LTBP2: variants seen among roughly 807,000 people sequenced by gnomAD.
LTBP2 encodes latent-transforming growth factor beta-binding protein 2.
LTBP2 carries 103 observed loss-of-function variants against 210.6 expected under a neutral mutation model. The observed-to-expected ratio is 0.49, with a 90% CI of 0.42 to 0.58. LTBP2 has a LOEUF of 0.58. Ranked by LOEUF, LTBP2 falls within the 20% of genes least tolerant of loss-of-function variation. The probability of loss-of-function intolerance (pLI) is 0.00; values close to 1 mark genes in which losing one functional copy is unlikely to be tolerated. For missense variants in LTBP2, 2,313 were observed against 2,494.5 expected (o/e 0.93, Z 1.55); for synonymous variants, 1,007 against 1,015.0 (o/e 0.99, Z 0.15).
chr14:74,537,404 C>A (rs565584259), intron 8 of LTBP2, among the ~76,000 whole-genome samples: 1 of 152,218 alleles, frequency 6.6e-6, no homozygotes, highest in East Asian at 1.9e-4. Flanking sequence ...TAAGCAGGCA[C>A]GAGCAATTGC....
chr14:74,522,828 G>A lies in LTBP2; in HGVS notation c.2621C>T (p.Pro874Leu). 1 of 1,612,140 alleles carries A rather than the reference G, an allele frequency of 6.2e-7. No homozygotes were observed. Among genetic ancestry groups the A allele is most frequent in the African/African-American group, 1.3e-5 (1 of 75,028 alleles). Reference protein sequence around the residue: ...LPDGYRCVCSPGYQLHPSQAY... With the variant: ...LPDGYRCVCSLGYQLHPSQAY... ...CTGGCTGGGGTGCAGCTGGTAGCCA[G>A]GGCTGCAGACACATCTGTATCCATC... The change falls in exon 16 of 36, where the codon CCT becomes CTT. Residue 874 changes from proline to leucine, a missense_variant. Transcript: ENST00000261978.
chr14:74,532,996 C>T (rs1471475640), intron 9 of LTBP2, among the ~76,000 whole-genome samples: 1 of 152,166 alleles, frequency 6.6e-6, no homozygotes, highest in Non-Finnish European at 1.5e-5. Context: ...CATACCACCA[C>T]ATCCAGCTAA....
intron 3 of LTBP2, among the ~76,000 whole-genome samples, chr14:74,566,450 C>G (rs1215369003): frequency 6.6e-6 from 1 of 152,238 alleles, no homozygotes; most frequent in Non-Finnish European, 1.5e-5. Context: ...GGGCAGCTCA[C>G]TTCAGCTTAA....
rs529244433 is a variant in LTBP2, at chr14:74,536,545, C to G, written c.1790-545G>C. Among the ~76,000 whole-genome samples, 24 of 152,252 alleles carry G rather than the reference C, an allele frequency of 1.6e-4. 2 individuals are homozygous for G. The East Asian group carries it at 3.9e-3, about 24-fold the overall frequency. The stretch of plus-strand genomic sequence containing the variant: ...GCCACTTTACAATGTATACTTATTT[C>G]AGAACAACAGTTGTGTACCAGCCAG... On this transcript the variant is annotated intron_variant, in intron 8 of 35. Coordinates refer to ENST00000261978, the MANE Select transcript of LTBP2 (RefSeq NM_000428.3).
At chr14:74,513,441 T>G (rs981541030) in intron 18 of LTBP2, among the ~76,000 whole-genome samples, 1 of 152,168 alleles carries the variant, frequency 6.6e-6, no homozygotes, top group Non-Finnish European at 1.5e-5. Flanking sequence ...AGCCTACATC[T>G]CCAATGAGGA....
chr14:74,596,736 G>T (rs963651743), intron 2 of LTBP2, among the ~76,000 whole-genome samples: 3 of 152,234 alleles, frequency 2.0e-5, no homozygotes, highest in African/African-American at 7.2e-5. Context: ...CAAAGCCTGA[G>T]TGAGAGGAAG....
At position 74,585,946 on chromosome 14, in the gene LTBP2, C is replaced by T. The variant is rs537556239; in HGVS notation, c.738G>A (p.Leu246=). The change falls in exon 3 of 36, where the codon CTG becomes CTA. Residue 246 remains leucine (L), a synonymous_variant. Transcript: ENST00000261978. ...CCTCTCCAGCCGCACTGCTCCTGCGCAGGTTGGGTGAACGCTCGGCCCAGC... is the reference window on the plus strand; with the variant it reads ...CCTCTCCAGCCGCACTGCTCCTGCGTAGGTTGGGTGAACGCTCGGCCCAGC... ...PRRWAERSPN[L]RRSSAAGEGT... The T allele has an allele frequency of 6.2e-7, 1 of 1,613,874 alleles. No individual in the cohort carries two copies. Among genetic ancestry groups the T allele is most frequent in the East Asian group, 2.2e-5 (1 of 44,876 alleles).
intron 9 of LTBP2, among the ~76,000 whole-genome samples, chr14:74,532,806 A>C (rs1031855641): frequency 6.6e-6 from 1 of 152,158 alleles, no homozygotes; most frequent in African/African-American, 2.4e-5. Context: ...GGCATGTAAC[A>C]ATGATCATAA....
Position 74,528,950 on chromosome 14 carries a change from G to A in LTBP2, c.2152+8C>T, listed in dbSNP as rs941075799. 9 of 1,610,602 alleles carry A rather than the reference G, an allele frequency of 5.6e-6. No individual in the cohort carries two copies. The African/African-American group carries it at 1.2e-4, about 22-fold the overall frequency. On this transcript the variant is annotated splice_region_variant and intron_variant, in intron 11 of 35. Transcript: ENST00000261978. ...GCAGTGAAAGCTGGGATGGGAACAG[G>A]AGGTTACCTGTGCCAGGCAGAGGGC...
At chr14:74,509,088 G>T in intron 22 of LTBP2, 136 bp from the exon 23 acceptor site, 1 of 1,565,314 alleles carries the variant, frequency 6.4e-7, no homozygotes. Flanking sequence ...TCATGAGGCA[G>T]CACAGCTGGG....
At chr14:74,607,839 T>G (rs1193969075) in intron 1 of LTBP2, among the ~76,000 whole-genome samples, 1 of 152,092 alleles carries the variant, frequency 6.6e-6, no homozygotes, top group Non-Finnish European at 1.5e-5. Context: ...GGAGGCAAAT[T>G]TATAGAGGAA....
intron 10 of LTBP2, among the ~76,000 whole-genome samples, chr14:74,531,990 G>C (rs147666390): frequency 1.3e-5 from 2 of 152,154 alleles, no homozygotes; most frequent in Non-Finnish European, 2.9e-5. Flanking sequence ...AAAGGCCCTC[G>C]GGTCGGGCAG....
At chr14:74,606,949 A>G (rs2088535833) in intron 1 of LTBP2, among the ~76,000 whole-genome samples, 1 of 151,832 alleles carries the variant, frequency 6.6e-6, no homozygotes, top group African/African-American at 2.4e-5. Context: ...TGCCTGTCTC[A>G]GGTCATTGGT....
chr14:74,578,323 C>T (rs763661325), intron 3 of LTBP2, among the ~76,000 whole-genome samples: 1 of 152,194 alleles, frequency 6.6e-6, no homozygotes, highest in Non-Finnish European at 1.5e-5. Flanking sequence ...CCCCGCGAAT[C>T]GTGCTACATT....
intron 29 of LTBP2, 45 bp from the exon 30 acceptor site, chr14:74,504,906 C>G (rs1339346954): frequency 6.2e-7 from 1 of 1,613,180 alleles, no homozygotes; most frequent in Non-Finnish European, 8.5e-7. Flanking sequence ...GGGCCCTGCC[C>G]CCTTCCTCTC....
chr14:74,530,627 C>A lies in LTBP2; in HGVS notation c.1988-1505G>T, dbSNP rs577589122. Among the ~76,000 whole-genome samples the A allele has an allele frequency of 3.3e-5, 5 of 152,330 alleles. No homozygotes were observed. The East Asian group carries it at 9.6e-4, about 29-fold the overall frequency. ...GCCTCTGGGGCTCAAGCCATCCTTC[C>A]ACTTCAGCCTCTCAAGTAGCTGGGA... On this transcript the variant is annotated intron_variant, in intron 10 of 35. Transcript: ENST00000261978.
chr14:74,579,342 G>A (rs4903244), intron 3 of LTBP2, among the ~76,000 whole-genome samples: 3 of 152,000 alleles, frequency 2.0e-5, no homozygotes, highest in Non-Finnish European at 2.9e-5. Flanking sequence ...AGAGACCACC[G>A]ACTTGGGAGC....
At chr14:74,588,115 C>T (rs2088233238) in intron 2 of LTBP2, among the ~76,000 whole-genome samples, 1 of 152,254 alleles carries the variant, frequency 6.6e-6, no homozygotes, top group African/African-American at 2.4e-5. Flanking sequence ...ACCCACCTCT[C>T]AGCAGCTGCT....
intron 17 of LTBP2, among the ~76,000 whole-genome samples, chr14:74,520,236 C>T (rs1396061384): frequency 6.6e-6 from 1 of 152,248 alleles, no homozygotes; most frequent in East Asian, 1.9e-4. Flanking sequence ...TTCCTATTCA[C>T]GCTCCATTCC....
Sources: allele counts gnomAD v4.1 joint callset (sites outside exome capture counted in the v4.1 genomes callset), GRCh38; gene constraint gnomAD v4.1.1; transcripts MANE v1.5; gene names NCBI Gene and HGNC (gene_info 2026-07-23, HGNC 2026-07-21).